The following C7 variants were observed in gnomAD, a reference collection of about 807,000 sequenced individuals.
C7 encodes complement component C7.
In C7, 83 loss-of-function variants were observed where a neutral mutation model predicts 104.8. That is an observed-to-expected ratio of 0.79 (90% CI 0.66 to 0.95). C7 has a LOEUF of 0.95. Among genes scored for constraint, C7 ranks in the 40% least tolerant of loss-of-function variants. The pLI is 0.00. For synonymous variants in C7, 415 were observed against 360.6 expected (o/e 1.15, Z -1.71); for missense variants, 1,070 against 1,011.2 (o/e 1.06, Z -0.79).
intron 6 of C7, among the ~76,000 whole-genome samples, chr5:40,939,131 C>CT (rs139088977): frequency 0.013 from 1,920 of 152,262 alleles, 52 homozygotes; most frequent in African/African-American, 0.044. Flanking sequence ...ACAAAAGGGC[C>CT]TTTTGCTTAC....
intron 6 of C7, among the ~76,000 whole-genome samples, chr5:40,943,229 G>A (rs540307865): frequency 1.6e-4 from 24 of 152,336 alleles, no homozygotes; most frequent in African/African-American, 5.3e-4. Context: ...TAGGGAGAAA[G>A]GGGGAGAATA....
At chr5:40,958,347 T>G in intron 11 of C7, 86 bp downstream of exon 11, 3 of 760,656 alleles carry the variant, frequency 3.9e-6, no homozygotes, top group Non-Finnish European at 6.1e-6. Context: ...TGCTTCTTTG[T>G]GTATGAAGAG....
rs575969760 is a variant in C7 at position 40,943,127 on chromosome 5, A to C, written c.568-2071A>C. Among the ~76,000 whole-genome samples the C allele has an allele frequency of 5.9e-5, 9 of 152,338 alleles. No individual in the cohort carries two copies. The South Asian group carries it at 1.7e-3, about 28-fold the overall frequency. Reference sequence around the variant, plus strand: ...ATGATAGCAGGTCATCTAGGCAAGGAAGTTAAATCCATTGGCAAGAGAATG... The same window carrying C: ...ATGATAGCAGGTCATCTAGGCAAGGCAGTTAAATCCATTGGCAAGAGAATG... On this transcript the variant is annotated intron_variant, in intron 6 of 17. Coordinates refer to ENST00000313164, the MANE Select transcript of C7 (RefSeq NM_000587.4).
chr5:40,974,987 A>C (rs1225314065), intron 15 of C7, among the ~76,000 whole-genome samples: 1 of 152,196 alleles, frequency 6.6e-6, no homozygotes, highest in Admixed American at 6.5e-5. Context: ...TATGTCAATA[A>C]CATTCTGCAG....
chr5:40,913,748 C>T (rs1266055334), intron 1 of C7, among the ~76,000 whole-genome samples: 15 of 152,126 alleles, frequency 9.9e-5, no homozygotes, highest in Admixed American at 9.8e-4. Flanking sequence ...GGCATGATCT[C>T]GGCTCACTGT....
intron 14 of C7, among the ~76,000 whole-genome samples, chr5:40,970,309 A>G (rs1740671576): frequency 6.6e-6 from 1 of 152,226 alleles, no homozygotes; most frequent in African/African-American, 2.4e-5. Context: ...TCCAAAGTCC[A>G]TTAGGGATAT....
chr5:40,952,720 C>T (rs1740201128), intron 9 of C7, among the ~76,000 whole-genome samples: 1 of 151,934 alleles, frequency 6.6e-6, no homozygotes, highest in South Asian at 2.1e-4. Context: ...GTTCAGTTCC[C>T]ACCTGTGAGT....
rs1261775685 is a variant in C7 at position 40,962,189 on chromosome 5, A to T, written c.1749+17A>T. On this transcript the variant is annotated intron_variant, in intron 13 of 17. Transcript: ENST00000313164. ...TTTGTTCAAGTTGGTTATGAAAGAT[A>T]TTTTTTTCCTTTATAATGCTCTAAC... is the stretch of plus-strand genomic sequence containing the variant. 5 of 1,438,820 alleles carry T rather than the reference A, an allele frequency of 3.5e-6. No individual in the cohort carries two copies. The African/African-American group carries it at 4.2e-5, about 12-fold the overall frequency. 89.1% of individuals were successfully genotyped at this position (1,438,820 alleles called of 1,614,324 possible).
intron 1 of C7, among the ~76,000 whole-genome samples, chr5:40,926,143 A>G (rs1175872310): frequency 7.2e-5 from 11 of 152,248 alleles, no homozygotes. Context: ...GATTAACAGA[A>G]TGAATGACAA....
In C7 at chr5:40,958,186, C is replaced by G. The variant is rs1446492925; in HGVS notation, c.1414C>G (p.His472Asp). The G allele has an allele frequency of 2.5e-6, 4 of 1,613,760 alleles. No individual in the cohort carries two copies. The highest frequency in any genetic ancestry group is 3.4e-6 in the Non-Finnish European group (4 of 1,179,720). ...NGGLATVEGTHCLCHCKPYTF... is the reference protein window; with the variant it reads ...NGGLATVEGTDCLCHCKPYTF... ...TGGTTTGGCTACTGTTGAGGGGACC[C>G]ATTGTCTGTGCCATTGCAAACCGTA... is the stretch of plus-strand genomic sequence containing the variant. The change falls in exon 11 of 18, where the codon CAT becomes GAT. Residue 472 changes from histidine to aspartate, a missense_variant. Physicochemically the swap from His to Asp is moderately conservative, Grantham distance 81. Coordinates refer to ENST00000313164, the MANE Select transcript of C7 (RefSeq NM_000587.4).
In C7 at chr5:40,979,893, G is replaced by T; in HGVS notation, c.2334G>T (p.Leu778=). ...AGAAAGCTTGTGGTGCCTGCCCACTGTGGGGAAAATGTGATGGTAAGGGGC... is the reference window on the plus strand; with the variant it reads ...AGAAAGCTTGTGGTGCCTGCCCACTTTGGGGAAAATGTGATGGTAAGGGGC... The part of the protein sequence containing the change: ...SAEKACGACP[L]WGKCDAESSK... Residue 778 remains leucine (L), a synonymous_variant, in exon 17 of 18, where the codon CTG becomes CTT. Coordinates refer to ENST00000313164, the MANE Select transcript of C7 (RefSeq NM_000587.4). The T allele has an allele frequency of 1.3e-6, 2 of 1,590,334 alleles. No individual in the cohort carries two copies. Among genetic ancestry groups the T allele is most frequent in the Non-Finnish European group, 1.7e-6 (2 of 1,165,228 alleles).
rs775542905 is a variant in C7, at chr5:40,976,890, G to T, written c.2165+50G>T. ...TCTGTTTTATTTTATTAATGATAAGGGATAATTTCTTAGATAATAGTGTCT... is the reference window on the plus strand; with the variant it reads ...TCTGTTTTATTTTATTAATGATAAGTGATAATTTCTTAGATAATAGTGTCT... On this transcript the variant is annotated intron_variant, in intron 16 of 17. Coordinates refer to ENST00000313164, the MANE Select transcript of C7 (RefSeq NM_000587.4). 6 of 1,370,684 alleles carry T rather than the reference G, an allele frequency of 4.4e-6. No homozygotes were observed. The South Asian group carries it at 6.5e-5, about 15-fold the overall frequency. The allele number at this position is 1,370,684 out of a possible 1,614,324, so 84.9% of individuals were successfully genotyped here.
chr5:40,935,611 T>C (rs1344618332), intron 4 of C7, among the ~76,000 whole-genome samples: 1 of 152,132 alleles, frequency 6.6e-6, no homozygotes, highest in Non-Finnish European at 1.5e-5. Context: ...GCAAGATCAT[T>C]GGAGATGACA....
intron 15 of C7, 85 bp from the exon 16 acceptor site, chr5:40,976,665 C>A (rs1261573590): frequency 7.0e-6 from 6 of 858,786 alleles, no homozygotes; most frequent in Non-Finnish European, 1.1e-5. Flanking sequence ...ATACTACAGA[C>A]CCTGGTCCAG....
At chr5:40,918,838 C>T (rs1739380026) in intron 1 of C7, among the ~76,000 whole-genome samples, 1 of 151,770 alleles carries the variant, frequency 6.6e-6, no homozygotes, top group Non-Finnish European at 1.5e-5. Context: ...GATTGCAATA[C>T]AATTATAGTA....
rs370231096 is a variant in C7 at position 40,983,157 on chromosome 5, G to A, written c.*1584G>A. ...AGACATTGCAACTGCATTTGTTAGC[G>A]GTTATTACAGAGTTAATTTCTACCC... is the stretch of plus-strand genomic sequence containing the variant. On this transcript the variant is annotated 3_prime_UTR_variant, in exon 18 of 18. Coordinates refer to ENST00000313164, the MANE Select transcript of C7 (RefSeq NM_000587.4). 6.6e-6 allele frequency among the ~76,000 whole-genome samples: 1 copy of A among 152,146 alleles called. No individual in the cohort carries two copies. Among genetic ancestry groups the A allele is most frequent in the African/African-American group, 2.4e-5 (1 of 41,436 alleles).
At chr5:40,940,920 C>T (rs998669441) in intron 6 of C7, among the ~76,000 whole-genome samples, 1 of 152,072 alleles carries the variant, frequency 6.6e-6, no homozygotes, top group Admixed American at 6.6e-5. Flanking sequence ...ACTATACTTA[C>T]AAGCATTTTA....
intron 1 of C7, among the ~76,000 whole-genome samples, chr5:40,917,288 C>A (rs1043911717): frequency 5.3e-5 from 8 of 152,130 alleles, no homozygotes; most frequent in Admixed American, 2.0e-4. Context: ...GCCCCCATGG[C>A]CCTTGGTAAC....
chr5:40,941,931 A>G (rs1360174159), intron 6 of C7, among the ~76,000 whole-genome samples: 1 of 152,214 alleles, frequency 6.6e-6, no homozygotes, highest in Non-Finnish European at 1.5e-5. Flanking sequence ...TGGAATTAGC[A>G]TAGAGGAGTA....
Sources: allele counts gnomAD v4.1 joint callset (sites outside exome capture counted in the v4.1 genomes callset), GRCh38; gene constraint gnomAD v4.1.1; transcripts MANE v1.5; gene names NCBI Gene and HGNC (gene_info 2026-07-23, HGNC 2026-07-21).